LARGE1: variants seen among roughly 807,000 people sequenced by gnomAD.
The protein encoded by LARGE1 is LARGE xylosyl- and glucuronyltransferase 1, also known as xylosyl- and glucuronyltransferase LARGE1.
Under a neutral mutation model 87.6 loss-of-function variants are expected in LARGE1, and 43 were observed. That is an observed-to-expected ratio of 0.49 (90% CI 0.38 to 0.63). LARGE1 has a LOEUF of 0.63. LARGE1 is among the 30% of genes least tolerant of loss of function. The pLI is 0.00. For missense variants in LARGE1, 802 were observed against 1,000.2 expected, an observed-to-expected ratio of 0.80 and a Z score of 2.67; for synonymous variants, 434 against 394.6, an observed-to-expected ratio of 1.10 and a Z score of -1.18.
intron 1 of LARGE1, among the ~76,000 whole-genome samples, chr22:33,782,594 C>T (rs953076830): frequency 2.0e-5 from 3 of 152,038 alleles, no homozygotes; most frequent in Non-Finnish European, 2.9e-5. Context: ...GGGCTGGGCG[C>T]GGTGGCTCAT....
chr22:33,193,845 G>A (rs1923920890), intron 11 of LARGE1, among the ~76,000 whole-genome samples: 2 of 147,256 alleles, frequency 1.4e-5, no homozygotes, highest in South Asian at 2.1e-4. Flanking sequence ...GTGTTCATAT[G>A]TTTTATATAT....
intron 1 of LARGE1, among the ~76,000 whole-genome samples, chr22:33,857,102 A>G (rs1454356521): frequency 6.6e-6 from 1 of 152,078 alleles, no homozygotes; most frequent in East Asian, 1.9e-4. Context: ...TTTTTAGTAG[A>G]GATGAGGTTT....
the LARGE1 span, among the ~76,000 whole-genome samples, chr22:33,075,946 C>T: frequency 2.0e-5 from 3 of 152,074 alleles, no homozygotes; most frequent in Non-Finnish European, 2.9e-5. Context: ...ACGTTTACTG[C>T]GAGTGAGTCA....
the LARGE1 span, among the ~76,000 whole-genome samples, chr22:33,104,887 CTCTCTTTCTTTCTT>C: frequency 7.6e-3 from 1,066 of 139,824 alleles, 18 homozygotes; most frequent in South Asian, 0.015. Context: ...TAGACTTTCT[CTCTCTTTCTTTCTT>C]TCTTTCTTTC....
chr22:33,517,963 C>T (rs929113779), intron 6 of LARGE1, among the ~76,000 whole-genome samples: 1 of 152,172 alleles, frequency 6.6e-6, no homozygotes, highest in African/African-American at 2.4e-5. Flanking sequence ...CTGGGTGATG[C>T]CCCAAATTCA....
rs1000063343 is a variant in LARGE1, at chr22:33,396,815, T to C, written c.893-12511A>G. 2.9e-4 allele frequency among the ~76,000 whole-genome samples: 44 copies of C among 152,294 alleles called. 1 individual carries two copies. The highest frequency in any genetic ancestry group is 1.0e-3 in the South Asian group (5 of 4,820). On this transcript the variant is annotated intron_variant, in intron 7 of 14. Coordinates refer to ENST00000397394, the MANE Select transcript of LARGE1 (RefSeq NM_133642.5). ...AACAACACTTCACTCTTCCTCTTTA[T>C]CTCACTGGACAGAAATCATTTGGCC... is the stretch of plus-strand genomic sequence containing the variant.
At chr22:33,630,238 C>T (rs2080064215) in intron 3 of LARGE1, among the ~76,000 whole-genome samples, 2 of 151,794 alleles carry the variant, frequency 1.3e-5, no homozygotes, top group Non-Finnish European at 2.9e-5. Context: ...AAAAAACAAA[C>T]AAACAAACAA....
intron 1 of LARGE1, among the ~76,000 whole-genome samples, chr22:33,855,423 A>G (rs1349880721): frequency 6.6e-6 from 1 of 152,134 alleles, no homozygotes; most frequent in Non-Finnish European, 1.5e-5. Flanking sequence ...AACCCTAACC[A>G]TTTGCTAGCC....
chr22:33,483,037 C>T (rs5998962), intron 6 of LARGE1, among the ~76,000 whole-genome samples: 86 of 152,246 alleles, frequency 5.6e-4, no homozygotes, highest in African/African-American at 1.9e-3. Context: ...AAACCTCTGC[C>T]GTGTATCTTC....
At chr22:33,717,551 C>T (rs148392654) in intron 2 of LARGE1, among the ~76,000 whole-genome samples, 5 of 152,248 alleles carry the variant, frequency 3.3e-5, no homozygotes, top group East Asian at 1.9e-4. Context: ...CAGAGGAGCC[C>T]GTAAAGATCA....
At chr22:33,469,559 T>A (rs992631560) in intron 6 of LARGE1, among the ~76,000 whole-genome samples, 1 of 152,068 alleles carries the variant, frequency 6.6e-6, no homozygotes, top group Non-Finnish European at 1.5e-5. Context: ...AAAAACTATC[T>A]ATTGCCTGTA....
intron 11 of LARGE1, among the ~76,000 whole-genome samples, chr22:33,258,645 C>G (rs1402560402): frequency 1.3e-5 from 2 of 152,286 alleles, no homozygotes; most frequent in East Asian, 3.9e-4. Flanking sequence ...CCTGATATCC[C>G]AATATCTTGA....
intron 6 of LARGE1, among the ~76,000 whole-genome samples, chr22:33,530,023 A>G (rs1043092325): frequency 2.6e-5 from 4 of 152,196 alleles, no homozygotes; most frequent in Non-Finnish European, 4.4e-5. Flanking sequence ...CCCCTTCCCT[A>G]CTAGCAGCGA....
At position 33,444,416 on chromosome 22, in the gene LARGE1, G is replaced by A. The variant is rs564395128; in HGVS notation, c.788-12151C>T. On this transcript the variant is annotated intron_variant, in intron 6 of 14. Transcript: ENST00000397394. ...TATTCCTTTCTTCTTTTTTGAGATG[G>A]AGTCTTGCTCTGTCATCCAGGCTGG... 6.4e-4 allele frequency among the ~76,000 whole-genome samples: 98 copies of A among 152,094 alleles called. 1 individual carries two copies. In the South Asian group the frequency reaches 0.019, roughly 29 times the overall value.
At chr22:33,227,126 A>T (rs532071190) in intron 11 of LARGE1, among the ~76,000 whole-genome samples, 1 of 152,332 alleles carries the variant, frequency 6.6e-6, no homozygotes, top group South Asian at 2.1e-4. Context: ...ATATTAGCTC[A>T]TTTAATTTTT....
intron 3 of LARGE1, among the ~76,000 whole-genome samples, chr22:33,636,889 G>A (rs143731017): frequency 1.3e-5 from 2 of 152,230 alleles, no homozygotes; most frequent in East Asian, 1.9e-4. Flanking sequence ...AGGGATTAGA[G>A]CCTGGTACCT....
chr22:33,256,857 A>G (rs778066647), intron 11 of LARGE1, among the ~76,000 whole-genome samples: 1 of 152,190 alleles, frequency 6.6e-6, no homozygotes, highest in Non-Finnish European at 1.5e-5. Flanking sequence ...AATTTCAGAG[A>G]CAAAATTCAA....
chr22:33,922,111 C>T (rs945902486), upstream of LARGE1, among the ~76,000 whole-genome samples: 1 of 152,110 alleles, frequency 6.6e-6, no homozygotes, highest in African/African-American at 2.4e-5. Flanking sequence ...CTTTGCCTTC[C>T]CTCTGCGCGC....
chr22:33,576,612 T>C (rs532027419), intron 5 of LARGE1, among the ~76,000 whole-genome samples: 14 of 152,280 alleles, frequency 9.2e-5, no homozygotes, highest in Non-Finnish European at 1.6e-4. Context: ...TATGCTCATA[T>C]ATACAGATAT....
Sources: allele counts gnomAD v4.1 joint callset (sites outside exome capture counted in the v4.1 genomes callset), GRCh38; gene constraint gnomAD v4.1.1; transcripts MANE v1.5; gene names NCBI Gene and HGNC (gene_info 2026-07-23, HGNC 2026-07-21).